ENO1: variants seen among roughly 807,000 people sequenced by gnomAD.
The protein encoded by ENO1 is enolase 1.
ENO1 carries 33 observed loss-of-function variants against 46.3 expected under a neutral mutation model. The observed-to-expected ratio is 0.71, with a 90% CI of 0.54 to 0.95. The LOEUF (loss-of-function observed/expected upper bound fraction) is 0.95. ENO1 is among the 40% of genes least tolerant of loss of function. The pLI, the probability that ENO1 is intolerant of heterozygous loss-of-function variation, is 0.00. For synonymous variants in ENO1, 220 were observed against 216.0 expected (o/e 1.02, Z -0.16); for missense variants, 488 against 553.3 (o/e 0.88, Z 1.18).
chr1:8,869,482 A>G (rs1474828811), intron 4 of ENO1, among the ~76,000 whole-genome samples: 1 of 152,090 alleles, frequency 6.6e-6, no homozygotes. Flanking sequence ...CGTGTACAGA[A>G]TGAATTCATG....
At chr1:8,863,480 G>T in intron 9 of ENO1, 137 bp from the exon 10 acceptor site, 1 of 845,918 alleles carries the variant, frequency 1.2e-6, no homozygotes, top group Non-Finnish European at 1.8e-6. Flanking sequence ...CCTGGGCTTT[G>T]TCAAGAGCAC....
chr1:8,867,914 T>C, intron 5 of ENO1, 74 bp downstream of exon 5: 1 of 1,349,204 alleles, frequency 7.4e-7, no homozygotes, highest in Admixed American at 1.8e-5. Flanking sequence ...CATGGGCCTC[T>C]TCCTGAAAGG....
chr1:8,875,797 G>C (rs1226469015), intron 1 of ENO1: 1 of 151,922 alleles, frequency 6.6e-6, no homozygotes, highest in Non-Finnish European at 1.5e-5. Flanking sequence ...ACTTTTTTAA[G>C]AGATGGCGGT....
At chr1:8,870,649 TTTCCCCC>T in intron 3 of ENO1, 139 bp from the exon 4 acceptor site, 5 of 1,503,944 alleles carry the variant, frequency 3.3e-6, no homozygotes, top group Non-Finnish European at 4.4e-6. Context: ...CCCTCTCCCC[TTTCCCCC>T]CAGAATCGGA....
At chr1:8,864,910 C>T (rs1251486538) in intron 8 of ENO1, among the ~76,000 whole-genome samples, 2 of 152,202 alleles carry the variant, frequency 1.3e-5, no homozygotes, top group Non-Finnish European at 2.9e-5. Context: ...TGTGCACACA[C>T]ACAGCCTAAA....
At position 8,874,874 on chromosome 1, in the gene ENO1, A is replaced by G. The variant is rs768294836; in HGVS notation, c.35T>C (p.Phe12Ser). ...SILKIHAREIFDSRGNPTVEV... is the reference protein window; with the variant it reads ...SILKIHAREISDSRGNPTVEV... ...AACAGTGGGATTCCCGCGAGAGTCA[A>G]AGATCTCCCTGGCATGGATCTTGAG... Residue 12 changes from phenylalanine to serine, a missense_variant, in exon 2 of 12, where the codon TTT (phenylalanine) becomes TCT (serine). Coordinates refer to ENST00000234590, the MANE Select transcript of ENO1 (RefSeq NM_001428.5). 6.2e-7 allele frequency: 1 copy of G among 1,613,896 alleles called. No individual in the cohort carries two copies. Among genetic ancestry groups the G allele is most frequent in the East Asian group, 2.2e-5 (1 of 44,860 alleles).
intron 3 of ENO1, chr1:8,870,816 A>G (rs1024193564): frequency 7.3e-7 from 1 of 1,376,928 alleles, no homozygotes; most frequent in African/African-American, 1.4e-5. Flanking sequence ...AGGCTGTTCA[A>G]TCAGTTACCT....
In ENO1 at chr1:8,867,339, ACCATCTCCTCCC is replaced by A. The variant is rs368745021; in HGVS notation, c.311-101_311-90del. ...TACTGCCCTGAGGGTTGTATTCTGC[ACCATCTCCTCCC>A]CCATCACACCTCCATTTCACTGTTA... On this transcript the variant is annotated intron_variant, in intron 5 of 11. Coordinates refer to ENST00000234590, the MANE Select transcript of ENO1 (RefSeq NM_001428.5). 8.5e-6 allele frequency: 13 copies of A among 1,531,318 alleles called. No homozygotes were observed. In the African/African-American group the frequency reaches 9.6e-5, roughly 11 times the overall value. 94.9% of individuals were successfully genotyped at this position (1,531,318 alleles called of 1,614,324 possible).
intron 2 of ENO1, among the ~76,000 whole-genome samples, chr1:8,874,564 CA>C (rs1381526642): frequency 3.4e-5 from 3 of 87,382 alleles, no homozygotes; most frequent in Non-Finnish European, 6.0e-5. Flanking sequence ...GGTGACAGAG[CA>C]AGACTCCATC....
chr1:8,868,631 C>T (rs375476642), intron 4 of ENO1, among the ~76,000 whole-genome samples: 10 of 152,282 alleles, frequency 6.6e-5, no homozygotes, highest in South Asian at 2.1e-4. Context: ...ACAAAACTGA[C>T]GTACTGAGAA....
intron 8 of ENO1, among the ~76,000 whole-genome samples, 173 bp from the exon 9 acceptor site, chr1:8,864,265 C>G (rs987637726): frequency 6.6e-6 from 1 of 152,114 alleles, no homozygotes; most frequent in Non-Finnish European, 1.5e-5. Flanking sequence ...CCAGCCTACT[C>G]CTGCAGCAGG....
intron 4 of ENO1, 65 bp from the exon 5 acceptor site, chr1:8,868,122 A>G (rs2124079728): frequency 8.4e-7 from 1 of 1,185,120 alleles, no homozygotes; most frequent in African/African-American, 1.5e-5. Flanking sequence ...TTGCTCCCCT[A>G]CCATGGAATC....
intron 3 of ENO1, chr1:8,870,832 C>A: frequency 7.4e-7 from 1 of 1,358,788 alleles, no homozygotes; most frequent in Non-Finnish European, 9.5e-7. Context: ...TACCTGAGTG[C>A]ACAGGGCTGG....
chr1:8,876,404 T>C (rs1642733093), intron 1 of ENO1: 1 of 152,224 alleles, frequency 6.6e-6, no homozygotes. Context: ...TAGATTTAAT[T>C]TTGCGTTTTG....
intron 3 of ENO1, chr1:8,871,507 G>C (rs540112025): frequency 2.4e-5 from 25 of 1,025,494 alleles, no homozygotes; most frequent in Non-Finnish European, 2.8e-5. Flanking sequence ...TTTCTAGCCC[G>C]TGAAGAGGCT....
Position 8,878,619 on chromosome 1 carries a change from G to A in ENO1, c.-49C>T, listed in dbSNP as rs1424018050. Reference sequence around the variant, plus strand: ...TCGTCGCCTAGGAGAGGAAGCGGAGGGTGCTGCAGACACCGAGGTGAACGT... The same window carrying A: ...TCGTCGCCTAGGAGAGGAAGCGGAGAGTGCTGCAGACACCGAGGTGAACGT... On this transcript the variant is annotated 5_prime_UTR_variant, in exon 1 of 12. Coordinates refer to ENST00000234590, the MANE Select transcript of ENO1 (RefSeq NM_001428.5). 6 of 455,948 alleles carry A rather than the reference G, an allele frequency of 1.3e-5. No individual in the cohort carries two copies. The highest frequency in any genetic ancestry group is 2.2e-5 in the Non-Finnish European group (5 of 226,802). 28.2% of individuals were successfully genotyped at this position (455,948 alleles called of 1,614,324 possible).
intron 3 of ENO1, 147 bp from the exon 4 acceptor site, chr1:8,870,657 C>CA (rs1350681158): frequency 8.7e-6 from 13 of 1,493,830 alleles, no homozygotes; most frequent in Admixed American, 2.1e-5. Context: ...CCTTTCCCCC[C>CA]AGAATCGGAG....
rs1185107750 is a variant in ENO1 at position 8,863,982 on chromosome 1, T to C, written c.976A>G (p.Lys326Glu). The C allele has an allele frequency of 2.5e-6, 4 of 1,613,958 alleles. No individual in the cohort carries two copies. Among genetic ancestry groups the C allele is most frequent in the South Asian group, 1.1e-5 (1 of 91,088 alleles). The change falls in exon 9 of 12, where the codon AAG (lysine) becomes GAG (glutamate). Residue 326 changes from lysine (K) to glutamate (E), a missense_variant. Physicochemically the swap from Lys to Glu is moderately conservative, Grantham distance 56. Coordinates refer to ENST00000234590, the MANE Select transcript of ENO1 (RefSeq NM_001428.5). ...TCGTTCACGGCCTTGGCGATCCTCT[T>C]TGGGTTGGTCACTGTGAGATCATCC... ...VGDDLTVTNP[K>E]RIAKAVNEKS...
Position 8,873,345 on chromosome 1 carries a change from GGA to G in ENO1, c.86-1361_86-1360del, listed in dbSNP as rs917607482. Among the ~76,000 whole-genome samples, 8 of 152,168 alleles carry G rather than the reference GGA, an allele frequency of 5.3e-5. No individual in the cohort carries two copies. In the South Asian group the frequency reaches 1.0e-3, roughly 20 times the overall value. On this transcript the variant is annotated intron_variant, in intron 2 of 11. Transcript: ENST00000234590. ...TGCTCTAAAAAAGTTGATGAGACAG[GGA>G]GAGAGAGAGATGAAAGGTTCTGAGC...
Sources: allele counts gnomAD v4.1 joint callset (sites outside exome capture counted in the v4.1 genomes callset), GRCh38; gene constraint gnomAD v4.1.1; transcripts MANE v1.5; gene names NCBI Gene and HGNC (gene_info 2026-07-23, HGNC 2026-07-21).